ADGB: variants seen among roughly 807,000 people sequenced by gnomAD.
The protein encoded by ADGB is androglobin, also known as calpain-7-like protein.
In ADGB, 172 loss-of-function variants were observed where a neutral mutation model predicts 210.5. The ratio of observed to expected loss-of-function variants is 0.82; its 90% CI spans 0.72 to 0.93. The LOEUF (loss-of-function observed/expected upper bound fraction) is 0.93. Among genes scored for constraint, ADGB ranks in the 40% least tolerant of loss-of-function variants. The pLI, the probability that ADGB is intolerant of heterozygous loss-of-function variation, is 0.00. For missense variants in ADGB, 2,025 were observed against 1,964.8 expected (o/e 1.03, Z -0.58); for synonymous variants, 658 against 662.7 (o/e 0.99, Z 0.11).
chr6:146,691,574 C>T (rs1339483239), intron 11 of ADGB, among the ~76,000 whole-genome samples: 6 of 111,446 alleles, frequency 5.4e-5, no homozygotes, highest in Non-Finnish European at 8.2e-5. Context: ...GTGGCATGAT[C>T]TTGGCTCACT....
chr6:146,638,610 G>T (rs1583569419), intron 2 of ADGB, among the ~76,000 whole-genome samples: 5 of 52,894 alleles, frequency 9.5e-5, no homozygotes, highest in East Asian at 8.7e-4. Context: ...GTTGTGGGGT[G>T]GGGGGGGGGG....
intron 3 of ADGB, among the ~76,000 whole-genome samples, chr6:146,647,581 A>G (rs1354050427): frequency 6.6e-6 from 1 of 152,098 alleles, no homozygotes; most frequent in Middle Eastern, 3.2e-3. Context: ...GCACAGAATC[A>G]AGTTATAGTT....
At chr6:146,657,318 T>C (rs1307374717) in intron 5 of ADGB, among the ~76,000 whole-genome samples, 1 of 31,390 alleles carries the variant, frequency 3.2e-5, no homozygotes, top group Non-Finnish European at 5.3e-5. Flanking sequence ...AGAGCAAAAC[T>C]CCAAAAAAAA....
rs996773552 is a variant in ADGB at position 146,692,212 on chromosome 6, T to C, written c.1487-613T>C. On this transcript the variant is annotated intron_variant, in intron 11 of 35. Transcript: ENST00000397944. ...ATTCCATGTCCTAGTCTCTTTTTTT[T>C]CCTAATAATCACCCCTAATGTTTAA... 1.8e-4 allele frequency among the ~76,000 whole-genome samples: 28 copies of C among 152,240 alleles called. 1 individual carries two copies. The highest frequency in any genetic ancestry group is 5.8e-4 in the African/African-American group (24 of 41,568).
At chr6:146,602,443 T>C (rs903387117) in intron 1 of ADGB, among the ~76,000 whole-genome samples, 2 of 152,230 alleles carry the variant, frequency 1.3e-5, no homozygotes, top group Admixed American at 1.3e-4. Context: ...TATCATCTTT[T>C]AACATAACAA....
chr6:146,655,077 A>G (rs1217150048), intron 4 of ADGB, among the ~76,000 whole-genome samples: 1 of 152,068 alleles, frequency 6.6e-6, no homozygotes, highest in African/African-American at 2.4e-5. Context: ...TGTTTGGCTT[A>G]TTTCACTTAA....
At position 146,815,237 on chromosome 6, in the gene ADGB, A is replaced by G; in HGVS notation, c.*20A>G. 6.8e-7 allele frequency: 1 copy of G among 1,468,162 alleles called. No homozygotes were observed. The highest frequency in any genetic ancestry group is 9.0e-7 in the Non-Finnish European group (1 of 1,115,382). The allele number at this position is 1,468,162 out of a possible 1,614,324, so 90.9% of individuals were successfully genotyped here. A position where few individuals can be genotyped will look rare whatever the true frequency, so the allele number is the denominator to read the frequency against. On this transcript the variant is annotated 3_prime_UTR_variant, in exon 36 of 36. Coordinates refer to ENST00000397944, the MANE Select transcript of ADGB (RefSeq NM_024694.4). Reference sequence around the variant, plus strand: ...AAGTAACCAGGGGATGTCCAATACTACCCTGCTTCTGGAGAGAAAAAATCT... The same window carrying G: ...AAGTAACCAGGGGATGTCCAATACTGCCCTGCTTCTGGAGAGAAAAAATCT...
chr6:146,691,957 T>G (rs1776335840), intron 11 of ADGB, among the ~76,000 whole-genome samples: 1 of 151,926 alleles, frequency 6.6e-6, no homozygotes, highest in African/African-American at 2.4e-5. Context: ...TCCTTCTATC[T>G]TCTCCTTTAT....
intron 1 of ADGB, among the ~76,000 whole-genome samples, chr6:146,611,674 C>T (rs1780713349): frequency 6.6e-6 from 1 of 152,148 alleles, no homozygotes. Flanking sequence ...GTGTCCTCCC[C>T]CCATCTCCTC....
At chr6:146,805,580 C>G (rs958087464) in intron 35 of ADGB, among the ~76,000 whole-genome samples, 5 of 152,130 alleles carry the variant, frequency 3.3e-5, no homozygotes, top group African/African-American at 1.2e-4. Flanking sequence ...CAGAGCTTTC[C>G]TCTCTGATCT....
chr6:146,789,807 A>G (rs1777928975), intron 33 of ADGB, among the ~76,000 whole-genome samples: 1 of 152,182 alleles, frequency 6.6e-6, no homozygotes, highest in Admixed American at 6.5e-5. Flanking sequence ...CACTTCTAAA[A>G]TGACAGAATT....
chr6:146,754,305 T>C (rs1777370866), intron 27 of ADGB, among the ~76,000 whole-genome samples: 1 of 151,370 alleles, frequency 6.6e-6, no homozygotes, highest in African/African-American at 2.4e-5. Flanking sequence ...CTCTGTATTA[T>C]TGGTCTTTTC....
At position 146,696,995 on chromosome 6, in the gene ADGB, A is replaced by T. The variant is rs1480712329; in HGVS notation, c.1578-3946A>T. On this transcript the variant is annotated intron_variant, in intron 12 of 35. Transcript: ENST00000397944. Reference sequence around the variant, plus strand: ...GAATATTTTCGGTTATTACCAGCTAATTAAATTACAAGATTAAATGATTGT... The same window carrying T: ...GAATATTTTCGGTTATTACCAGCTATTTAAATTACAAGATTAAATGATTGT... Among the ~76,000 whole-genome samples the T allele has an allele frequency of 2.0e-5, 3 of 152,340 alleles. No individual in the cohort carries two copies. The East Asian group carries it at 5.8e-4, about 29-fold the overall frequency.
chr6:146,667,101 A>C (rs2114897205), intron 7 of ADGB, among the ~76,000 whole-genome samples, 199 bp downstream of exon 7: 1 of 151,960 alleles, frequency 6.6e-6, no homozygotes, highest in South Asian at 2.1e-4. Flanking sequence ...GAGAACAATG[A>C]CCCCCATAGG....
chr6:146,650,534 G>GT lies in ADGB; in HGVS notation c.331-3590dup, dbSNP rs60334118. 5.4e-3 allele frequency among the ~76,000 whole-genome samples: 538 copies of GT among 99,766 alleles called. 2 individuals are homozygous for GT. Among genetic ancestry groups the GT allele is most frequent in the African/African-American group, 0.015 (410 of 26,490 alleles). The allele number at this position is 99,766 out of a possible 152,430, so 65.5% of individuals were successfully genotyped here. A position where few individuals can be genotyped will look rare whatever the true frequency, so the allele number is the denominator to read the frequency against. On this transcript the variant is annotated intron_variant, in intron 3 of 35. Coordinates refer to ENST00000397944, the MANE Select transcript of ADGB (RefSeq NM_024694.4). ...AGGTAAACTAGAAAATAATTCACAT[G>GT]TTTTTTTTTTTCCTGCACAAAGCTT...
chr6:146,678,420 C>T (rs1460144128), intron 9 of ADGB, among the ~76,000 whole-genome samples: 1 of 152,012 alleles, frequency 6.6e-6, no homozygotes, highest in Non-Finnish European at 1.5e-5. Context: ...AGAGACAGAG[C>T]TTCATCATGT....
rs527904286 is a variant in ADGB at position 146,798,432 on chromosome 6, A to G, written c.4538-2751A>G. Among the ~76,000 whole-genome samples the G allele has an allele frequency of 5.3e-5, 8 of 152,344 alleles. No individual in the cohort carries two copies. The East Asian group carries it at 1.3e-3, about 26-fold the overall frequency. The stretch of plus-strand genomic sequence containing the variant: ...AATACAAGCGGATTTCCTCAGACCG[A>G]TAAAGGCTAGTTATGAAAAACCTAC... On this transcript the variant is annotated intron_variant, in intron 33 of 35. Coordinates refer to ENST00000397944, the MANE Select transcript of ADGB (RefSeq NM_024694.4).
At chr6:146,779,417 A>AG (rs1777767472) in intron 29 of ADGB, among the ~76,000 whole-genome samples, 1 of 152,224 alleles carries the variant, frequency 6.6e-6, no homozygotes, top group African/African-American at 2.4e-5. Flanking sequence ...TTGAACTAAT[A>AG]ATGGCTGAAA....
intron 25 of ADGB, among the ~76,000 whole-genome samples, chr6:146,742,776 A>G (rs1030072457): frequency 6.6e-6 from 1 of 152,182 alleles, no homozygotes; most frequent in Non-Finnish European, 1.5e-5. Flanking sequence ...CTCTAAACCA[A>G]GCTTGTCCAA....
Sources: gnomAD v4.1 joint callset for allele counts (sites outside exome capture counted in the v4.1 genomes callset) on GRCh38, gnomAD v4.1.1 for gene constraint, MANE v1.5 for transcripts, NCBI Gene and HGNC (gene_info 2026-07-23, HGNC 2026-07-21) for gene names.